KLHL1: variants seen among roughly 807,000 people sequenced by gnomAD.
KLHL1 encodes the protein kelch-like protein 1.
KLHL1 carries 47 observed loss-of-function variants against 77.7 expected under a neutral mutation model. That is an observed-to-expected ratio of 0.60 (90% CI 0.48 to 0.77). The LOEUF (loss-of-function observed/expected upper bound fraction) is 0.77, where lower values mean the gene tolerates loss of function less well. Among genes scored for constraint, KLHL1 ranks in the 30% least tolerant of loss-of-function variants. KLHL1 has a pLI of 0.00. For missense variants in KLHL1, 925 were observed against 910.8 expected, an observed-to-expected ratio of 1.02 and a Z score of -0.20; for synonymous variants, 360 against 325.2, an observed-to-expected ratio of 1.11 and a Z score of -1.15.
chr13:70,101,557 G>A (rs1296141549), intron 1 of KLHL1, among the ~76,000 whole-genome samples: 1 of 151,992 alleles, frequency 6.6e-6, no homozygotes, highest in Non-Finnish European at 1.5e-5. Flanking sequence ...GCCTCCCAAG[G>A]AGCTGGGATT....
At chr13:69,886,156 CACACATACAT>C (rs1881209701) in intron 4 of KLHL1, among the ~76,000 whole-genome samples, 1 of 152,058 alleles carries the variant, frequency 6.6e-6, no homozygotes, top group African/African-American at 2.4e-5. Flanking sequence ...CTCATGAACA[CACACATACAT>C]ACACACATTT....
chr13:70,101,405 A>T (rs2137454829), intron 1 of KLHL1, among the ~76,000 whole-genome samples: 1 of 152,162 alleles, frequency 6.6e-6, no homozygotes, highest in African/African-American at 2.4e-5. Flanking sequence ...GGGTACCTGA[A>T]AATCCAATTC....
intron 1 of KLHL1, among the ~76,000 whole-genome samples, chr13:70,051,359 G>A (rs1243634232): frequency 6.6e-6 from 1 of 151,894 alleles, no homozygotes; most frequent in Non-Finnish European, 1.5e-5. Context: ...ATCTATTATT[G>A]ATAATTGCCT....
chr13:69,759,659 G>C (rs1313379702), intron 7 of KLHL1, among the ~76,000 whole-genome samples: 1 of 152,142 alleles, frequency 6.6e-6, no homozygotes, highest in East Asian at 1.9e-4. Context: ...CCATCTTCTA[G>C]TTACCTGCTT....
chr13:69,946,227 C>T (rs1373775071), intron 3 of KLHL1, among the ~76,000 whole-genome samples: 2 of 152,184 alleles, frequency 1.3e-5, no homozygotes, highest in Admixed American at 6.5e-5. Flanking sequence ...CATGAGAAAA[C>T]ATTTGACGAT....
At chr13:70,022,215 CTGTT>C (rs1429951969) in intron 1 of KLHL1, among the ~76,000 whole-genome samples, 2 of 151,752 alleles carry the variant, frequency 1.3e-5, no homozygotes, top group Non-Finnish European at 2.9e-5. Context: ...TGTTCTAGCA[CTGTT>C]TGTTGAAAAC....
chr13:69,765,680 T>A (rs1875268087), intron 7 of KLHL1, among the ~76,000 whole-genome samples: 1 of 152,178 alleles, frequency 6.6e-6, no homozygotes, highest in Admixed American at 6.5e-5. Flanking sequence ...AAAGATAGAA[T>A]TTTTAGTCTT....
chr13:70,086,590 A>AAAAGAAAGAAAG (rs869169817), intron 1 of KLHL1, among the ~76,000 whole-genome samples: 9 of 85,782 alleles, frequency 1.0e-4, no homozygotes, highest in African/African-American at 4.3e-4. Context: ...AAAAAAAAAA[A>AAAAGAAAGAAAG]AAAGAAAGAA....
chr13:69,755,272 C>T (rs1012411393), intron 7 of KLHL1, among the ~76,000 whole-genome samples: 4 of 151,760 alleles, frequency 2.6e-5, no homozygotes, highest in Non-Finnish European at 4.4e-5. Context: ...CCAGCTTCTG[C>T]TTTGGGATGA....
rs71196263 is a variant in KLHL1, at chr13:69,764,929, C to CTTTTTTTTTTTTTTTTTTTTTTTTT, written c.1640-24398_1640-24374dup. ...TCTCATGCTTTCATGTATATCTTTG[C>CTTTTTTTTTTTTTTTTTTTTTTTTT]TTTTTTTTTTTTTTTTTTTTTTTTT... On this transcript the variant is annotated intron_variant, in intron 7 of 10. Transcript: ENST00000377844. Among the ~76,000 whole-genome samples, 172 of 39,722 alleles carry CTTTTTTTTTTTTTTTTTTTTTTTTT rather than the reference C, an allele frequency of 4.3e-3. 68 individuals are homozygous for CTTTTTTTTTTTTTTTTTTTTTTTTT. Among genetic ancestry groups the CTTTTTTTTTTTTTTTTTTTTTTTTT allele is most frequent in the Non-Finnish European group, 5.7e-3 (127 of 22,404 alleles). The allele number at this position is 39,722 out of a possible 152,430, so 26.1% of individuals were successfully genotyped here.
At chr13:69,807,674 A>G (rs1761846175) in intron 6 of KLHL1, among the ~76,000 whole-genome samples, 1 of 152,090 alleles carries the variant, frequency 6.6e-6, no homozygotes, top group Admixed American at 6.6e-5. Flanking sequence ...GACTAAAGAG[A>G]CTGGAGAGCT....
intron 4 of KLHL1, among the ~76,000 whole-genome samples, chr13:69,912,152 A>T (rs1882260072): frequency 6.6e-6 from 1 of 152,294 alleles, no homozygotes; most frequent in Admixed American, 6.5e-5. Context: ...ATCCATATAT[A>T]TAATATGGGG....
intron 3 of KLHL1, 88 bp downstream of exon 3, chr13:69,961,220 T>G (rs998996884): frequency 7.8e-7 from 1 of 1,281,252 alleles, no homozygotes; most frequent in Non-Finnish European, 1.1e-6. Flanking sequence ...ACAGAATTTT[T>G]TTTAAAAAAG....
chr13:69,934,282 T>C (rs1883097402), intron 4 of KLHL1, among the ~76,000 whole-genome samples: 1 of 152,128 alleles, frequency 6.6e-6, no homozygotes, highest in African/African-American at 2.4e-5. Context: ...TAGCGTTACC[T>C]CACTCTCTTT....
At chr13:69,958,323 C>T (rs567399399) in intron 3 of KLHL1, among the ~76,000 whole-genome samples, 49 of 151,700 alleles carry the variant, frequency 3.2e-4, no homozygotes, top group Non-Finnish European at 5.0e-4. Flanking sequence ...GATCTCATTG[C>T]TTCTCATCTA....
chr13:69,924,914 C>T (rs549524056), intron 4 of KLHL1, among the ~76,000 whole-genome samples: 7 of 152,334 alleles, frequency 4.6e-5, no homozygotes, highest in Non-Finnish European at 1.0e-4. Flanking sequence ...AGGGAGCTGG[C>T]ACCTGTGCCA....
chr13:69,736,266 G>A (rs1462318320), intron 8 of KLHL1, among the ~76,000 whole-genome samples: 1 of 152,058 alleles, frequency 6.6e-6, no homozygotes, highest in Non-Finnish European at 1.5e-5. Flanking sequence ...ATATACAAAT[G>A]AGGAACAAAC....
intron 8 of KLHL1, among the ~76,000 whole-genome samples, chr13:69,730,265 TAATG>T (rs991522510): frequency 4.8e-5 from 6 of 124,732 alleles, no homozygotes; most frequent in African/African-American, 2.1e-4. Context: ...ACTAACACTT[TAATG>T]TGTGTGTGTG....
chr13:69,792,587 C>A (rs1424334294), intron 7 of KLHL1, among the ~76,000 whole-genome samples: 1 of 151,788 alleles, frequency 6.6e-6, no homozygotes, highest in African/African-American at 2.4e-5. Context: ...TATGTTCAAA[C>A]AAAAGGCATA....
Sources: gnomAD v4.1 joint callset for allele counts (sites outside exome capture counted in the v4.1 genomes callset) on GRCh38, gnomAD v4.1.1 for gene constraint, MANE v1.5 for transcripts, NCBI Gene and HGNC (gene_info 2026-07-23, HGNC 2026-07-21) for gene names.